The following RELN variants were observed in gnomAD, a reference collection of about 807,000 sequenced individuals.
RELN encodes the protein reelin.
RELN carries 108 observed loss-of-function variants against 427.6 expected under a neutral mutation model. The ratio of observed to expected loss-of-function variants is 0.25; its 90% confidence interval spans 0.22 to 0.30. The LOEUF (loss-of-function observed/expected upper bound fraction) is 0.30, where lower values mean the gene tolerates loss of function less well. RELN is among the 10% of genes least tolerant of loss of function. RELN has a pLI of 1.00. For synonymous variants in RELN, 1,524 were observed against 1,513.4 expected (o/e 1.01, Z -0.16); for missense variants, 3,715 against 4,302.8 (o/e 0.86, Z 3.82).
Position 103,652,658 on chromosome 7 carries a change from G to C in RELN, c.1656C>G (p.Val552=). 2 of 1,612,962 alleles carry C rather than the reference G, an allele frequency of 1.2e-6. No individual in the cohort carries two copies. The highest frequency in any genetic ancestry group is 1.7e-6 in the Non-Finnish European group (2 of 1,179,278). The change falls in exon 14 of 65, where the codon GTC becomes GTG. Residue 552 remains valine, a synonymous_variant. Transcript: ENST00000428762. ...AGACATGGAAAAAGTCTACAGCCCA[G>C]ACATTCCTATTATGTCCTTGATGGT... ...QKNHQGHNRN[V]WAVDFFHVLP... is the part of the protein sequence containing the mutation.
intron 24 of RELN, among the ~76,000 whole-genome samples, chr7:103,601,896 G>C (rs965319014): frequency 1.3e-5 from 2 of 151,976 alleles, no homozygotes; most frequent in Non-Finnish European, 2.9e-5. Context: ...GCCTAATCTG[G>C]TGCTACCACT....
intron 8 of RELN, among the ~76,000 whole-genome samples, chr7:103,710,774 G>A (rs2115845495): frequency 6.6e-6 from 1 of 152,328 alleles, no homozygotes; most frequent in East Asian, 1.9e-4. Flanking sequence ...AGCCGGGCGT[G>A]GTGGCTCATG....
At chr7:103,758,090 T>G (rs1240954694) in intron 4 of RELN, among the ~76,000 whole-genome samples, 1 of 152,184 alleles carries the variant, frequency 6.6e-6, no homozygotes, top group Non-Finnish European at 1.5e-5. Context: ...TGTTAGAAAG[T>G]GCATGTGAAT....
At chr7:103,602,497 A>T (rs924894132) in intron 24 of RELN, among the ~76,000 whole-genome samples, 1 of 152,248 alleles carries the variant, frequency 6.6e-6, no homozygotes, top group Non-Finnish European at 1.5e-5. Flanking sequence ...AATAGTATGC[A>T]GCCATAAAAA....
At chr7:103,571,135 G>A (rs965341035) in intron 31 of RELN, among the ~76,000 whole-genome samples, 6 of 152,228 alleles carry the variant, frequency 3.9e-5, no homozygotes, top group African/African-American at 1.4e-4. Context: ...ATGGAGAGCT[G>A]ATGAACACAG....
At chr7:103,625,085 G>C (rs967189129) in intron 20 of RELN, among the ~76,000 whole-genome samples, 7 of 152,102 alleles carry the variant, frequency 4.6e-5, no homozygotes, top group Admixed American at 3.3e-4. Context: ...TATTAGTAGA[G>C]TCATAGTACT....
chr7:103,542,000 T>C (rs574961785), intron 43 of RELN, among the ~76,000 whole-genome samples: 1 of 152,318 alleles, frequency 6.6e-6, no homozygotes, highest in Admixed American at 6.5e-5. Context: ...GACAAAAACA[T>C]GGTTTCTTTG....
At chr7:103,814,868 A>T (rs1792831949) in intron 3 of RELN, among the ~76,000 whole-genome samples, 1 of 152,200 alleles carries the variant, frequency 6.6e-6, no homozygotes, top group South Asian at 2.1e-4. Context: ...CCAGGCCAAG[A>T]AAACTTTGCT....
intron 37 of RELN, among the ~76,000 whole-genome samples, chr7:103,557,653 A>C (rs986180038): frequency 6.6e-6 from 1 of 152,218 alleles, no homozygotes; most frequent in Non-Finnish European, 1.5e-5. Context: ...TAAGTTAAAC[A>C]TTTTAAAATT....
At chr7:103,635,022 C>CT (rs1188835355) in intron 19 of RELN, among the ~76,000 whole-genome samples, 16 of 150,576 alleles carry the variant, frequency 1.1e-4, no homozygotes, top group Non-Finnish European at 1.9e-4. Context: ...CCACACCCAG[C>CT]TTTTTTTTTC....
chr7:103,594,199 C>A (rs756391265), intron 26 of RELN, 122 bp downstream of exon 26: 10 of 1,044,630 alleles, frequency 9.6e-6, no homozygotes, highest in Non-Finnish European at 1.3e-5. Context: ...AAATTAAGTA[C>A]AAGCCCTTAA....
intron 6 of RELN, among the ~76,000 whole-genome samples, chr7:103,741,267 G>A (rs1790647286): frequency 6.6e-6 from 1 of 152,044 alleles, no homozygotes; most frequent in Non-Finnish European, 1.5e-5. Context: ...TCTGACTTTA[G>A]GAAGTTTACA....
At chr7:103,590,468 G>A (rs7786713) in intron 27 of RELN, among the ~76,000 whole-genome samples, 35,949 of 151,898 alleles carry the variant, frequency 0.24, 5,114 homozygotes, top group South Asian at 0.37. Context: ...GGCTGAGGCA[G>A]AGAATTGCTT....
intron 4 of RELN, among the ~76,000 whole-genome samples, chr7:103,770,268 T>C (rs1791531575): frequency 6.6e-6 from 1 of 152,166 alleles, no homozygotes; most frequent in Non-Finnish European, 1.5e-5. Context: ...GTATTTTTAG[T>C]AGAGATGGGG....
intron 2 of RELN, among the ~76,000 whole-genome samples, chr7:103,870,255 T>C (rs1445711515): frequency 6.6e-6 from 1 of 152,104 alleles, no homozygotes; most frequent in Non-Finnish European, 1.5e-5. Flanking sequence ...TGGTTTCTAT[T>C]GAATGCTTTT....
intron 2 of RELN, among the ~76,000 whole-genome samples, chr7:103,877,069 C>T (rs894403163): frequency 6.6e-6 from 1 of 152,104 alleles, no homozygotes; most frequent in East Asian, 1.9e-4. Flanking sequence ...TGTCTTCTAT[C>T]TCTTACCTGT....
chr7:103,735,855 A>G (rs774582408), intron 6 of RELN, among the ~76,000 whole-genome samples: 2 of 152,224 alleles, frequency 1.3e-5, no homozygotes, highest in Non-Finnish European at 2.9e-5. Context: ...ACCAGAAGCA[A>G]TCTGGCATTC....
chr7:103,504,412 C>G (rs1057162483), intron 51 of RELN: 2 of 152,160 alleles, frequency 1.3e-5, no homozygotes, highest in African/African-American at 4.8e-5. Context: ...AGTATTTCAT[C>G]CTGAGCAGGA....
At chr7:103,876,332 A>G (rs1275828536) in intron 2 of RELN, among the ~76,000 whole-genome samples, 1 of 152,152 alleles carries the variant, frequency 6.6e-6, no homozygotes, top group African/African-American at 2.4e-5. Context: ...CAAGATAAAG[A>G]TATGGAGCAG....
Sources: allele counts gnomAD v4.1 joint callset (sites outside exome capture counted in the v4.1 genomes callset), GRCh38; gene constraint gnomAD v4.1.1; transcripts MANE v1.5; gene names NCBI Gene and HGNC (gene_info 2026-07-23, HGNC 2026-07-21).